CPZ: variants seen among roughly 807,000 people sequenced by gnomAD.
CPZ encodes the protein VEZT/CPZ fusion.
A neutral mutation model predicts 61.8 loss-of-function variants in CPZ; 103 were observed. That is an observed-to-expected ratio of 1.67 (90% CI 1.42 to 1.96). The LOEUF (loss-of-function observed/expected upper bound fraction) is 1.96. CPZ is among the 30% of genes most tolerant of loss of function. The pLI is 0.00. For missense variants in CPZ, 1,461 were observed against 914.9 expected (o/e 1.60, Z -7.70); for synonymous variants, 551 against 373.7 (o/e 1.47, Z -5.47).
intron 9 of CPZ, among the ~76,000 whole-genome samples, chr4:8,616,385 A>C (rs115479422): frequency 3.3e-5 from 5 of 152,168 alleles, no homozygotes; most frequent in African/African-American, 9.6e-5. Context: ...ACAGAAAAAA[A>C]ATCCGTCCAC....
At chr4:8,607,501 C>A in intron 7 of CPZ, 76 bp downstream of exon 7, 1 of 1,523,128 alleles carries the variant, frequency 6.6e-7, no homozygotes, top group Non-Finnish European at 8.9e-7. Context: ...CCCCTCCAGT[C>A]CTGAGCTCAG....
At chr4:8,612,706 G>A (rs1402324710) in intron 8 of CPZ, among the ~76,000 whole-genome samples, 1 of 152,200 alleles carries the variant, frequency 6.6e-6, no homozygotes, top group Non-Finnish European at 1.5e-5. Context: ...ATGGGCATAT[G>A]CCACTGTGTG....
At position 8,619,692 on chromosome 4, in the gene CPZ, T is replaced by G; in HGVS notation, c.*75T>G. 8.5e-7 allele frequency: 1 copy of G among 1,177,810 alleles called. No individual in the cohort carries two copies. The highest frequency in any genetic ancestry group is 1.1e-6 in the Non-Finnish European group (1 of 870,874). 73.0% of individuals were successfully genotyped at this position (1,177,810 alleles called of 1,614,324 possible). ...ATCCCGGGCTCCTGGCTCTTGATTT[T>G]GTCTGCCACAGACATCCCACAAAGC... On this transcript the variant is annotated 3_prime_UTR_variant, in exon 11 of 11. Coordinates refer to ENST00000360986, the MANE Select transcript of CPZ (RefSeq NM_001014447.3).
chr4:8,613,721 G>A (rs1208704665), intron 8 of CPZ, among the ~76,000 whole-genome samples: 4 of 152,250 alleles, frequency 2.6e-5, no homozygotes, highest in East Asian at 1.9e-4. Flanking sequence ...GGGCAGAAGC[G>A]GGTATGGCTG....
rs544224178 is a variant in CPZ, at chr4:8,592,995, A to G, written c.88+74A>G. 135 of 1,237,924 alleles carry G rather than the reference A, an allele frequency of 1.1e-4. 1 individual carries two copies. In the African/African-American group the frequency reaches 1.9e-3, roughly 17 times the overall value. The allele number at this position is 1,237,924 out of a possible 1,614,324, so 76.7% of individuals were successfully genotyped here. Reference sequence around the variant, plus strand: ...TGGGGAGTGTGATCCGTCGCTTCCCAGGGGCCCGGGAGCTTTCTTCCAGTA... The same window carrying G: ...TGGGGAGTGTGATCCGTCGCTTCCCGGGGGCCCGGGAGCTTTCTTCCAGTA... On this transcript the variant is annotated intron_variant, in intron 1 of 10. Coordinates refer to ENST00000360986, the MANE Select transcript of CPZ (RefSeq NM_001014447.3).
At chr4:8,598,565 C>T (rs369843282) in intron 1 of CPZ, among the ~76,000 whole-genome samples, 26 of 152,368 alleles carry the variant, frequency 1.7e-4, no homozygotes, top group East Asian at 1.5e-3. Context: ...TCCCCTTCTC[C>T]GGGTTCCTGC....
chr4:8,609,070 C>CAT lies in CPZ; in HGVS notation c.1227+1646_1227+1647insTA, dbSNP rs1715319868. ...TCCCTCCCTCCCTCACTCCCTCACT[C>CAT]ACCACTCATACATTCACCCATTCAC... On this transcript the variant is annotated intron_variant, in intron 7 of 10. Transcript: ENST00000360986. 3.6e-3 allele frequency among the ~76,000 whole-genome samples: 511 copies of CAT among 141,406 alleles called. 3 individuals are homozygous for CAT. Among genetic ancestry groups the CAT allele is most frequent in the African/African-American group, 0.013 (463 of 35,278 alleles). 92.8% of individuals were successfully genotyped at this position (141,406 alleles called of 152,430 possible).
At chr4:8,598,392 C>T (rs746914979) in intron 1 of CPZ, among the ~76,000 whole-genome samples, 138 of 152,332 alleles carry the variant, frequency 9.1e-4, no homozygotes, top group African/African-American at 3.1e-3. Flanking sequence ...GGGTGAGCTC[C>T]GAAAAGCGGC....
intron 1 of CPZ, among the ~76,000 whole-genome samples, chr4:8,593,555 C>A (rs749204960): frequency 2.0e-5 from 3 of 152,196 alleles, no homozygotes; most frequent in African/African-American, 7.2e-5. Flanking sequence ...GGATCCTGGG[C>A]TCCCGTCTGG....
At chr4:8,616,023 G>A (rs903949221) in intron 9 of CPZ, among the ~76,000 whole-genome samples, 1 of 152,180 alleles carries the variant, frequency 6.6e-6, no homozygotes, top group Non-Finnish European at 1.5e-5. Flanking sequence ...GCTGTCTGAT[G>A]AACATGAGGT....
At chr4:8,610,173 CT>C (rs922897341) in intron 7 of CPZ, among the ~76,000 whole-genome samples, 12 of 152,222 alleles carry the variant, frequency 7.9e-5, no homozygotes, top group African/African-American at 2.9e-4. Flanking sequence ...GCCTGTGTTT[CT>C]GGGTCCCCAT....
chr4:8,618,109 G>A lies in CPZ; in HGVS notation c.1504-320G>A, dbSNP rs1266838857. ...GCTGGGAAGGCAGGGAAGGAATGCC[G>A]ATCAGGCAGAAGAGTGGCAGGAAAG... is the stretch of plus-strand genomic sequence containing the variant. On this transcript the variant is annotated intron_variant, in intron 9 of 10. Coordinates refer to ENST00000360986, the MANE Select transcript of CPZ (RefSeq NM_001014447.3). 13 of 324,200 alleles carry A rather than the reference G, an allele frequency of 4.0e-5. No individual in the cohort carries two copies. The East Asian group carries it at 9.5e-4, about 24-fold the overall frequency. 20.1% of individuals were successfully genotyped at this position (324,200 alleles called of 1,614,324 possible).
chr4:8,617,592 G>C (rs755336900), intron 9 of CPZ, among the ~76,000 whole-genome samples: 3 of 152,212 alleles, frequency 2.0e-5, no homozygotes, highest in Non-Finnish European at 4.4e-5. Context: ...CATTTTCATA[G>C]TTTCTGGAAG....
At chr4:8,618,613 C>A in intron 10 of CPZ, 85 bp downstream of exon 10, 1 of 1,256,208 alleles carries the variant, frequency 8.0e-7, no homozygotes, top group Non-Finnish European at 1.1e-6. Context: ...CAGGCACTCA[C>A]AGTGTGCCCA....
chr4:8,614,797 G>A (rs1004793247), intron 9 of CPZ, among the ~76,000 whole-genome samples: 4 of 152,168 alleles, frequency 2.6e-5, no homozygotes, highest in African/African-American at 4.8e-5. Flanking sequence ...TGGGCAGCCC[G>A]GCGAGGTGTC....
At chr4:8,618,333 C>T (rs1716377754) in intron 9 of CPZ, 96 bp from the exon 10 acceptor site, 1 of 1,209,002 alleles carries the variant, frequency 8.3e-7, no homozygotes, top group Non-Finnish European at 1.2e-6. Context: ...CCCCTAGATA[C>T]CAAGCTCTGA....
At position 8,601,107 on chromosome 4, in the gene CPZ, G is replaced by A. The variant is rs368771765; in HGVS notation, c.122-16G>A. On this transcript the variant is annotated splice_polypyrimidine_tract_variant and intron_variant, in intron 2 of 10. Coordinates refer to ENST00000360986, the MANE Select transcript of CPZ (RefSeq NM_001014447.3). ...CCACTGCAGGAGGGACTGACCTGCC[G>A]ACCCTGCCTCCCCAGCCACCTGCGT... 5 of 1,554,920 alleles carry A rather than the reference G, an allele frequency of 3.2e-6. No homozygotes were observed. Among genetic ancestry groups the A allele is most frequent in the South Asian group, 2.5e-5 (2 of 81,596 alleles).
Position 8,606,808 on chromosome 4 carries a change from G to C in CPZ, c.978G>C (p.Pro326=). The change falls in exon 6 of 11, where the codon CCG becomes CCC. Residue 326 remains proline (P), a synonymous_variant. Transcript: ENST00000360986. ...ACCTGGATCTGAACCGAAATTTCCC[G>C]GACCTGACGTCCGAGTACTACCGGC... The part of the protein sequence containing the change: ...AQNLDLNRNF[P]DLTSEYYRLA... The C allele has an allele frequency of 6.2e-7, 1 of 1,614,162 alleles. No homozygotes were observed. The highest frequency in any genetic ancestry group is 1.1e-5 in the South Asian group (1 of 91,086).
intron 4 of CPZ, among the ~76,000 whole-genome samples, chr4:8,605,614 CCATCCATCCATCATT>C (rs1714917240): frequency 6.6e-6 from 1 of 150,542 alleles, no homozygotes; most frequent in African/African-American, 2.5e-5. Flanking sequence ...ATCCATCCAT[CCATCCATCCATCATT>C]GATATATCCA....
Sources: allele counts gnomAD v4.1 joint callset (sites outside exome capture counted in the v4.1 genomes callset), GRCh38; gene constraint gnomAD v4.1.1; transcripts MANE v1.5; gene names NCBI Gene and HGNC (gene_info 2026-07-23, HGNC 2026-07-21).